The following THSD7A variants were observed in gnomAD, a reference collection of about 807,000 sequenced individuals.
The protein encoded by THSD7A is thrombospondin type 1 domain containing 7A, also known as thrombospondin type-1 domain-containing protein 7A.
Under a neutral mutation model 231.3 loss-of-function variants are expected in THSD7A, and 96 were observed. That is an observed-to-expected ratio of 0.41 (90% CI 0.35 to 0.49). The LOEUF (loss-of-function observed/expected upper bound fraction) is 0.49. THSD7A is among the 20% of genes least tolerant of loss of function. The pLI is 0.05. For synonymous variants in THSD7A, 940 were observed against 743.3 expected, an observed-to-expected ratio of 1.26 and a Z score of -4.30; for missense variants, 2,290 against 2,070.2, an observed-to-expected ratio of 1.11 and a Z score of -2.06.
chr7:11,541,934 G>C (rs1789167882), intron 5 of THSD7A, among the ~76,000 whole-genome samples: 1 of 97,192 alleles, frequency 1.0e-5, no homozygotes, highest in Non-Finnish European at 2.3e-5. Context: ...TAGAGGAGTA[G>C]GGTGGGAACA....
rs537401160 is a variant in THSD7A at position 11,470,714 on chromosome 7, T to A, written c.2253-720A>T. ...AATATCTTTTTTGAAACAAAAACAG[T>A]GAAGATAAATAAAGATAGTAAATCA... On this transcript the variant is annotated intron_variant, in intron 8 of 27. Coordinates refer to ENST00000423059, the MANE Select transcript of THSD7A (RefSeq NM_015204.3). Among the ~76,000 whole-genome samples, 21 of 151,800 alleles carry A rather than the reference T, an allele frequency of 1.4e-4. 1 individual carries two copies. The South Asian group carries it at 4.4e-3, about 32-fold the overall frequency.
intron 6 of THSD7A, among the ~76,000 whole-genome samples, chr7:11,491,911 C>T (rs1027781340): frequency 6.6e-6 from 1 of 151,866 alleles, no homozygotes; most frequent in African/African-American, 2.4e-5. Flanking sequence ...CTTTTTCTTT[C>T]TTTCTTTCTA....
At chr7:11,644,257 C>G (rs1782200944) in intron 1 of THSD7A, among the ~76,000 whole-genome samples, 1 of 151,898 alleles carries the variant, frequency 6.6e-6, no homozygotes, top group Non-Finnish European at 1.5e-5. Flanking sequence ...AAATGTCTGT[C>G]TTAAAATAGT....
intron 1 of THSD7A, among the ~76,000 whole-genome samples, chr7:11,674,479 T>C (rs971758980): frequency 6.6e-6 from 1 of 152,142 alleles, no homozygotes; most frequent in African/African-American, 2.4e-5. Context: ...AAGTGCCACC[T>C]AGTAGAATTC....
At chr7:11,754,755 G>A (rs978282703) in intron 1 of THSD7A, among the ~76,000 whole-genome samples, 7 of 151,994 alleles carry the variant, frequency 4.6e-5, no homozygotes, top group African/African-American at 1.4e-4. Flanking sequence ...AACATACAAT[G>A]TAGTTCCTTT....
intron 4 of THSD7A, among the ~76,000 whole-genome samples, chr7:11,547,411 C>T (rs1474470839): frequency 6.6e-6 from 1 of 152,160 alleles, no homozygotes; most frequent in African/African-American, 2.4e-5. Context: ...GACCATATCA[C>T]ATGCAATGAC....
intron 4 of THSD7A, among the ~76,000 whole-genome samples, chr7:11,562,475 GATACGT>G (rs1458352524): frequency 6.6e-6 from 1 of 151,988 alleles, no homozygotes; most frequent in Non-Finnish European, 1.5e-5. Context: ...AAAACCTCCT[GATACGT>G]ATTTTTTTTT....
intron 9 of THSD7A, among the ~76,000 whole-genome samples, chr7:11,468,487 A>G (rs958627168): frequency 5.3e-5 from 8 of 152,186 alleles, no homozygotes; most frequent in Non-Finnish European, 1.0e-4. Context: ...TATAAAAGTT[A>G]ATGCTTATAA....
intron 4 of THSD7A, among the ~76,000 whole-genome samples, chr7:11,589,811 T>C (rs1182745997): frequency 6.6e-6 from 1 of 152,204 alleles, no homozygotes; most frequent in Admixed American, 6.5e-5. Context: ...TTTAGAGTCA[T>C]ATTAATATCT....
intron 6 of THSD7A, among the ~76,000 whole-genome samples, chr7:11,539,040 T>C (rs960024171): frequency 6.6e-6 from 1 of 152,232 alleles, no homozygotes; most frequent in African/African-American, 2.4e-5. Flanking sequence ...TAGTCGAGCT[T>C]TAACTTAATT....
chr7:11,485,797 A>G lies in THSD7A; in HGVS notation c.1823-3815T>C, dbSNP rs192685554. The stretch of plus-strand genomic sequence containing the variant: ...AAGTTGTTTGTCAACACAGTGATGC[A>G]TGTTGCCAGCCACACAGTGCTTCAA... On this transcript the variant is annotated intron_variant, in intron 6 of 27. Coordinates refer to ENST00000423059, the MANE Select transcript of THSD7A (RefSeq NM_015204.3). Among the ~76,000 whole-genome samples the G allele has an allele frequency of 1.7e-3, 260 of 152,328 alleles. 1 individual carries two copies. The highest frequency in any genetic ancestry group is 6.0e-3 in the African/African-American group (249 of 41,590).
intron 11 of THSD7A, 146 bp downstream of exon 11, chr7:11,460,516 G>A (rs1253897433): frequency 1.9e-6 from 1 of 538,016 alleles, no homozygotes; most frequent in African/African-American, 2.0e-5. Flanking sequence ...ATGTTTCTAT[G>A]TCCTGATGTT....
At chr7:11,381,071 G>C (rs1211259810) in intron 24 of THSD7A, among the ~76,000 whole-genome samples, 1 of 152,004 alleles carries the variant, frequency 6.6e-6, no homozygotes, top group Non-Finnish European at 1.5e-5. Context: ...AATTTTCTTT[G>C]AATAGTTTAA....
intron 6 of THSD7A, among the ~76,000 whole-genome samples, chr7:11,516,339 T>C (rs534445002): frequency 1.3e-5 from 2 of 152,324 alleles, no homozygotes; most frequent in African/African-American, 2.4e-5. Context: ...AGTATGGTTA[T>C]TGATTAAGCT....
intron 2 of THSD7A, among the ~76,000 whole-genome samples, chr7:11,599,830 A>G (rs754220996): frequency 5.3e-5 from 8 of 151,110 alleles, no homozygotes; most frequent in Non-Finnish European, 1.0e-4. Context: ...GGAGATTAAC[A>G]TTTGAGTCAA....
chr7:11,770,650 G>A lies in THSD7A; in HGVS notation c.190+61107C>T, dbSNP rs191844164. On this transcript the variant is annotated intron_variant, in intron 1 of 27. Coordinates refer to ENST00000423059, the MANE Select transcript of THSD7A (RefSeq NM_015204.3). ...CACATAGCATGAAAATTGAATCTTC[G>A]GTAGGATTCACAACCAATTCTAGAT... Among the ~76,000 whole-genome samples, 13 of 152,098 alleles carry A rather than the reference G, an allele frequency of 8.5e-5. No homozygotes were observed. The East Asian group carries it at 1.4e-3, about 16-fold the overall frequency.
intron 6 of THSD7A, among the ~76,000 whole-genome samples, chr7:11,525,399 G>A (rs969239728): frequency 1.6e-4 from 24 of 152,024 alleles, no homozygotes; most frequent in Admixed American, 1.3e-3. Flanking sequence ...AAGAAGGTAA[G>A]AACAATTAGT....
intron 1 of THSD7A, among the ~76,000 whole-genome samples, chr7:11,785,330 G>GCATTCATTATACACTACA (rs1783756165): frequency 1.3e-5 from 2 of 152,092 alleles, no homozygotes; most frequent in African/African-American, 4.8e-5. Flanking sequence ...TGGGACTCCT[G>GCATTCATTATACACTACA]GCCTCAAGTG....
At chr7:11,559,027 C>T (rs1299826884) in intron 4 of THSD7A, among the ~76,000 whole-genome samples, 3 of 152,104 alleles carry the variant, frequency 2.0e-5, no homozygotes, top group Non-Finnish European at 4.4e-5. Flanking sequence ...CTTGATATGC[C>T]ATTGCTGGCT....
Sources: allele counts gnomAD v4.1 joint callset (sites outside exome capture counted in the v4.1 genomes callset), GRCh38; gene constraint gnomAD v4.1.1; transcripts MANE v1.5; gene names NCBI Gene and HGNC (gene_info 2026-07-23, HGNC 2026-07-21).